Variants in MCPH1 observed in about 807,000 individuals in gnomAD.
MCPH1 encodes the protein microcephalin.
In MCPH1, 104 loss-of-function variants were observed where a neutral mutation model predicts 84.5. That is an observed-to-expected ratio of 1.23 (90% CI 1.05 to 1.45). The LOEUF (loss-of-function observed/expected upper bound fraction) is 1.45, where lower values mean the gene tolerates loss of function less well. Ranked by LOEUF, MCPH1 falls within the 40% of genes most tolerant of loss-of-function variation. MCPH1 has a pLI of 0.00. For missense variants in MCPH1, 1,498 were observed against 1,005.7 expected, an observed-to-expected ratio of 1.49 and a Z score of -6.62; for synonymous variants, 514 against 366.8, an observed-to-expected ratio of 1.40 and a Z score of -4.58.
chr8:6,489,441 G>A (rs1049908050), intron 11 of MCPH1, among the ~76,000 whole-genome samples: 1 of 152,094 alleles, frequency 6.6e-6, no homozygotes, highest in African/African-American at 2.4e-5. Context: ...GAGTGCTGCT[G>A]GAAGGTGAAT....
intron 12 of MCPH1, among the ~76,000 whole-genome samples, chr8:6,534,433 C>A (rs1355991954): frequency 6.6e-6 from 1 of 152,046 alleles, no homozygotes; most frequent in African/African-American, 2.4e-5. Context: ...ATCAGTCCCC[C>A]ACAGACATCA....
At chr8:6,449,591 C>G (rs553570016) in intron 8 of MCPH1, among the ~76,000 whole-genome samples, 2 of 151,900 alleles carry the variant, frequency 1.3e-5, no homozygotes, top group African/African-American at 2.4e-5. Flanking sequence ...CGAGATCATG[C>G]CACTGCACTC....
intron 3 of MCPH1, among the ~76,000 whole-genome samples, chr8:6,417,283 T>G (rs762722527): frequency 6.6e-6 from 1 of 152,206 alleles, no homozygotes; most frequent in African/African-American, 2.4e-5. Context: ...AAGGGACAGA[T>G]AGTCAATATT....
At chr8:6,435,086 G>A (rs146624545) in intron 4 of MCPH1, among the ~76,000 whole-genome samples, 1 of 152,256 alleles carries the variant, frequency 6.6e-6, no homozygotes, top group East Asian at 1.9e-4. Flanking sequence ...ATATCAGCCT[G>A]GGGTTTCATG....
chr8:6,520,555 C>A (rs568930491), intron 12 of MCPH1, among the ~76,000 whole-genome samples: 1 of 152,158 alleles, frequency 6.6e-6, no homozygotes, highest in African/African-American at 2.4e-5. Flanking sequence ...ACCACCAAGC[C>A]CAGCTAATTT....
chr8:6,510,932 C>T (rs1192746655), intron 12 of MCPH1, among the ~76,000 whole-genome samples: 1 of 152,172 alleles, frequency 6.6e-6, no homozygotes, highest in South Asian at 2.1e-4. Flanking sequence ...TCTCTAAATG[C>T]CTGCTGCAAA....
chr8:6,593,912 T>A (rs934121415), intron 12 of MCPH1, among the ~76,000 whole-genome samples: 3 of 152,170 alleles, frequency 2.0e-5, no homozygotes, highest in Non-Finnish European at 4.4e-5. Flanking sequence ...GTCCCTCCCA[T>A]CAGAAGGACC....
chr8:6,505,812 T>C (rs1813549986), intron 12 of MCPH1, among the ~76,000 whole-genome samples: 1 of 136,844 alleles, frequency 7.3e-6, no homozygotes, highest in African/African-American at 2.6e-5. Context: ...GCATATTCTT[T>C]ATATATGTAT....
intron 12 of MCPH1, among the ~76,000 whole-genome samples, chr8:6,530,802 C>A (rs538494344): frequency 1.3e-5 from 2 of 152,274 alleles, no homozygotes; most frequent in South Asian, 4.1e-4. Context: ...TTTTCTCTGA[C>A]CTCATCCAAC....
chr8:6,468,096 G>A (rs566651538), intron 9 of MCPH1, among the ~76,000 whole-genome samples: 197 of 152,316 alleles, frequency 1.3e-3, no homozygotes, highest in Non-Finnish European at 2.4e-3. Flanking sequence ...AGCAATTTGA[G>A]CACATTGCTT....
At chr8:6,492,768 A>G (rs997222120) in intron 11 of MCPH1, among the ~76,000 whole-genome samples, 6 of 149,950 alleles carry the variant, frequency 4.0e-5, no homozygotes, top group Non-Finnish European at 5.9e-5. Flanking sequence ...TTATAAAATT[A>G]ATAATCTTTC....
chr8:6,522,228 G>A (rs1209176376), intron 12 of MCPH1, among the ~76,000 whole-genome samples: 2 of 152,070 alleles, frequency 1.3e-5, no homozygotes, highest in African/African-American at 2.4e-5. Flanking sequence ...GGTGGCGGGC[G>A]CCTGTAGTCA....
chr8:6,621,780 C>G, intron 13 of MCPH1, 89 bp downstream of exon 13: 3 of 1,566,210 alleles, frequency 1.9e-6, no homozygotes, highest in South Asian at 2.2e-5. Flanking sequence ...ACACCCCCTT[C>G]CACGCAGCTG....
rs142156292 is a variant in MCPH1, at chr8:6,604,914, A to G, written c.2215-16540A>G. ...ATTGAGTCTCTAAGTAAGGAGGAGT[A>G]AGAGCAAGAAGATCAGAAGGAACCA... On this transcript the variant is annotated intron_variant, in intron 12 of 13. Transcript: ENST00000344683. Among the ~76,000 whole-genome samples the G allele has an allele frequency of 3.3e-3, 510 of 152,394 alleles. 3 individuals are homozygous for G. Among genetic ancestry groups the G allele is most frequent in the Non-Finnish European group, 5.4e-3 (370 of 68,038 alleles).
chr8:6,459,984 C>T lies in MCPH1; in HGVS notation c.1935+4732C>T, dbSNP rs183497268. On this transcript the variant is annotated intron_variant, in intron 9 of 13. Transcript: ENST00000344683. ...GGCTGACTTCAGCCACGGCCACGGG[C>T]TCTGGGGTTAGACTGCTCTCATCTT... Among the ~76,000 whole-genome samples the T allele has an allele frequency of 2.6e-5, 4 of 152,228 alleles. No individual in the cohort carries two copies. In the South Asian group the frequency reaches 8.3e-4, roughly 32 times the overall value.
chr8:6,611,104 A>G (rs1830217229), intron 12 of MCPH1, among the ~76,000 whole-genome samples: 1 of 146,832 alleles, frequency 6.8e-6, no homozygotes, highest in Non-Finnish European at 1.5e-5. Context: ...ACACACACAT[A>G]CACACACACT....
At position 6,445,369 on chromosome 8, in the gene MCPH1, T is replaced by G. The variant is rs780710176; in HGVS notation, c.1647T>G (p.Leu549=). The part of the protein sequence containing the change: ...DDDLTPLEGS[L]EEMKEAVGLK... ...ATTTAACTCCTTTGGAAGGAAGCCT[T>G]GAAGAAATGAAAGAAGCGGTTGGTC... Residue 549 remains leucine (L), a synonymous_variant, in exon 8 of 14, where the codon CTT becomes CTG. Transcript: ENST00000344683. 22 of 1,614,216 alleles carry G rather than the reference T, an allele frequency of 1.4e-5. No homozygotes were observed. In the South Asian group the frequency reaches 1.9e-4, roughly 14 times the overall value.
At chr8:6,411,560 G>T (rs568632433) in intron 2 of MCPH1, among the ~76,000 whole-genome samples, 1 of 152,150 alleles carries the variant, frequency 6.6e-6, no homozygotes, top group Non-Finnish European at 1.5e-5. Flanking sequence ...AAGTTGCTAA[G>T]ATCGACAGTG....
chr8:6,567,298 C>T (rs977974509), intron 12 of MCPH1, among the ~76,000 whole-genome samples: 16 of 45,630 alleles, frequency 3.5e-4, no homozygotes, highest in East Asian at 2.0e-3. Context: ...ATAGTGTACA[C>T]GGTGCGATGA....
Sources: gnomAD v4.1 joint callset for allele counts (sites outside exome capture counted in the v4.1 genomes callset) on GRCh38, gnomAD v4.1.1 for gene constraint, MANE v1.5 for transcripts, NCBI Gene and HGNC (gene_info 2026-07-23, HGNC 2026-07-21) for gene names.